The following INPP5D variants were observed in gnomAD, a reference collection of about 807,000 sequenced individuals.
The protein encoded by INPP5D is inositol polyphosphate-5-phosphatase D.
INPP5D carries 33 observed loss-of-function variants against 122.9 expected under a neutral mutation model. The observed-to-expected ratio is 0.27, with a 90% CI of 0.20 to 0.36. The LOEUF is 0.36. Among genes scored for constraint, INPP5D ranks in the 10% least tolerant of loss-of-function variants. The pLI is 1.00. For synonymous variants in INPP5D, 584 were observed against 576.2 expected, an observed-to-expected ratio of 1.01 and a Z score of -0.19; for missense variants, 1,053 against 1,412.7, an observed-to-expected ratio of 0.75 and a Z score of 4.08.
At chr2:233,158,163 T>C in intron 9 of INPP5D, 150 bp from the exon 10 acceptor site, 2 of 583,560 alleles carry the variant, frequency 3.4e-6, no homozygotes, top group East Asian at 2.9e-5. Context: ...GAAGAGCAGC[T>C]GGAAGCAGAG....
intron 6 of INPP5D, chr2:233,145,244 A>G: frequency 2.2e-6 from 1 of 456,220 alleles, no homozygotes; most frequent in South Asian, 1.5e-5. Context: ...GACAGGATAC[A>G]TGTCTTCCTC....
chr2:233,068,870 G>C (rs1396155618), intron 1 of INPP5D, among the ~76,000 whole-genome samples: 2 of 152,198 alleles, frequency 1.3e-5, no homozygotes, highest in Non-Finnish European at 2.9e-5. Context: ...ACAGGGCTGG[G>C]AGCCTGGAAG....
intron 19 of INPP5D, among the ~76,000 whole-genome samples, chr2:233,184,124 T>A (rs930623675): frequency 5.3e-5 from 8 of 152,182 alleles, no homozygotes; most frequent in Non-Finnish European, 1.0e-4. Context: ...GGGTATTGCC[T>A]GAGGTCACAC....
chr2:233,099,967 T>G (rs1330430758), intron 2 of INPP5D, among the ~76,000 whole-genome samples: 1 of 152,116 alleles, frequency 6.6e-6, no homozygotes, highest in Non-Finnish European at 1.5e-5. Context: ...GCTTGTGCAG[T>G]CAAACTCCCA....
At chr2:233,196,856 C>T (rs1240868586) in intron 24 of INPP5D, among the ~76,000 whole-genome samples, 2 of 152,112 alleles carry the variant, frequency 1.3e-5, no homozygotes, top group African/African-American at 2.4e-5. Context: ...CAGCCACCCC[C>T]GCTGTACACA....
intron 1 of INPP5D, among the ~76,000 whole-genome samples, chr2:233,066,233 T>C (rs1338026625): frequency 1.3e-5 from 2 of 152,084 alleles, no homozygotes; most frequent in Non-Finnish European, 2.9e-5. Context: ...GCATTACAAG[T>C]GTGAGCCGCT....
chr2:233,120,527 C>T (rs1400629813), intron 2 of INPP5D: 1 of 152,260 alleles, frequency 6.6e-6, no homozygotes, highest in Non-Finnish European at 1.5e-5. Flanking sequence ...GACATGGTGG[C>T]TGTTATGAGG....
intron 6 of INPP5D, among the ~76,000 whole-genome samples, chr2:233,143,830 G>A (rs1347553198): frequency 9.2e-5 from 14 of 152,124 alleles, no homozygotes; most frequent in Non-Finnish European, 1.9e-4. Context: ...TGGTGATGGT[G>A]ATGGTGATGG....
At chr2:233,133,359 A>T (rs2106266666) in intron 5 of INPP5D, among the ~76,000 whole-genome samples, 1 of 152,288 alleles carries the variant, frequency 6.6e-6, no homozygotes, top group East Asian at 1.9e-4. Context: ...CTTGCCACAC[A>T]GTGATTTGGC....
At chr2:233,132,041 T>C (rs540874811) in intron 5 of INPP5D, among the ~76,000 whole-genome samples, 24 of 152,368 alleles carry the variant, frequency 1.6e-4, no homozygotes, top group South Asian at 8.3e-4. Context: ...GGCTTTCAAC[T>C]AATGCAGCTG....
intron 6 of INPP5D, among the ~76,000 whole-genome samples, chr2:233,144,657 AGAGATGGTGGTG>A (rs1693709170): frequency 5.2e-5 from 2 of 38,156 alleles, no homozygotes; most frequent in Non-Finnish European, 7.4e-5. Flanking sequence ...GTGATGGGGT[AGAGATGGTGGTG>A]GTGATGGTGA....
chr2:233,204,265 T>A lies in INPP5D; in HGVS notation c.3115T>A (p.Ser1039Thr). The A allele has an allele frequency of 6.2e-7, 1 of 1,613,402 alleles. No individual in the cohort carries two copies. Among genetic ancestry groups the A allele is most frequent in the African/African-American group, 1.3e-5 (1 of 74,986 alleles). The part of the protein sequence containing the change: ...PKPAPRKDQE[S>T]PKMPRKEPPP... The stretch of plus-strand genomic sequence containing the variant: ...GCCTGCTCCCAGGAAGGACCAGGAA[T>A]CCCCCAAAATGCCGCGGAAGGAACC... Residue 1039 changes from serine to threonine, a missense_variant, in exon 26 of 27, where the codon TCC becomes ACC. Around this residue, in one of 6 missense-constraint regions of INPP5D, gnomAD observed 417 missense variants for 425.8 expected, o/e 0.98. Coordinates refer to ENST00000445964, the MANE Select transcript of INPP5D (RefSeq NM_001017915.3).
chr2:233,072,120 G>A (rs1254453566), intron 1 of INPP5D, among the ~76,000 whole-genome samples: 1 of 152,196 alleles, frequency 6.6e-6, no homozygotes, highest in Non-Finnish European at 1.5e-5. Context: ...CACCTGGGAA[G>A]GGCATGGGAT....
rs143988935 is a variant in INPP5D at position 233,149,625 on chromosome 2, G to T, written c.1030+2031G>T. 2.8e-3 allele frequency among the ~76,000 whole-genome samples: 420 copies of T among 152,230 alleles called. 4 individuals are homozygous for T. Among genetic ancestry groups the T allele is most frequent in the East Asian group, 0.027 (141 of 5,180 alleles). On this transcript the variant is annotated intron_variant, in intron 9 of 26. Transcript: ENST00000445964. The stretch of plus-strand genomic sequence containing the variant: ...TGCCATTGCTCAAATTCCTTCAGCT[G>T]AAAATATTCAACATGCTTAGGATGC...
intron 17 of INPP5D, among the ~76,000 whole-genome samples, chr2:233,176,279 G>A (rs938873627): frequency 2.0e-5 from 3 of 146,382 alleles, no homozygotes; most frequent in Admixed American, 1.4e-4. Context: ...GTAGGTAGAC[G>A]GGTGTGTGAA....
chr2:233,081,858 A>G (rs1691699623), intron 2 of INPP5D, among the ~76,000 whole-genome samples: 1 of 152,102 alleles, frequency 6.6e-6, no homozygotes, highest in African/African-American at 2.4e-5. Flanking sequence ...CCCCAGTCCT[A>G]AGAAGGAGTC....
intron 9 of INPP5D, 119 bp downstream of exon 9, chr2:233,147,713 T>A (rs1282911756): frequency 1.6e-6 from 1 of 629,324 alleles, no homozygotes; most frequent in Non-Finnish European, 2.9e-6. Context: ...CATGCGCGCC[T>A]GCGCTCATGC....
intron 5 of INPP5D, among the ~76,000 whole-genome samples, chr2:233,139,020 C>G (rs924745131): frequency 2.0e-5 from 3 of 152,086 alleles, no homozygotes; most frequent in Admixed American, 2.0e-4. Context: ...TCCTAAAGTG[C>G]TGGGATTACA....
chr2:233,072,349 T>G (rs1459607405), intron 1 of INPP5D, among the ~76,000 whole-genome samples: 1 of 152,238 alleles, frequency 6.6e-6, no homozygotes, highest in Admixed American at 6.5e-5. Context: ...GGTTTATATA[T>G]GTGAAACCAT....
Sources: allele counts gnomAD v4.1 joint callset (sites outside exome capture counted in the v4.1 genomes callset), GRCh38; gene constraint gnomAD v4.1.1; regional missense constraint gnomAD v4.1.1; transcripts MANE v1.5; gene names NCBI Gene and HGNC (gene_info 2026-07-23, HGNC 2026-07-21).